The following DNAH10 variants were observed in gnomAD, a reference collection of about 807,000 sequenced individuals.
DNAH10 encodes the protein dynein axonemal heavy chain 10.
In DNAH10, 348 loss-of-function variants were observed where a neutral mutation model predicts 506.6. The observed-to-expected ratio is 0.69, with a 90% CI of 0.63 to 0.75. The LOEUF (loss-of-function observed/expected upper bound fraction) is 0.75, where lower values mean the gene tolerates loss of function less well. Ranked by LOEUF, DNAH10 falls within the 30% of genes least tolerant of loss-of-function variation. DNAH10 has a pLI of 0.00. For missense variants in DNAH10, 5,179 were observed against 5,787.1 expected (o/e 0.89, Z 3.41); for synonymous variants, 2,059 against 2,198.6 (o/e 0.94, Z 1.78).
At chr12:123,920,009 T>C (rs1954657547) in intron 65 of DNAH10, among the ~76,000 whole-genome samples, 1 of 152,252 alleles carries the variant, frequency 6.6e-6, no homozygotes, top group African/African-American at 2.4e-5. Context: ...AGGGTAATTC[T>C]ATGTCTAACT....
Position 123,930,406 on chromosome 12 carries a change from T to TG in DNAH10, c.12618dup (p.Tyr4207ValfsTer10). The TG allele has an allele frequency of 6.4e-7, 1 of 1,572,786 alleles. No individual in the cohort carries two copies. On this transcript the variant is annotated frameshift_variant, in exon 73 of 79. Transcript: ENST00000673944. LOFTEE classifies it high-confidence loss of function. ...TCTCAGGCCCTCTAATTTCAGGTCA[T>TG]GTATGGAGGACGGGCCATCGACAGC...
chr12:123,926,253 A>G lies in DNAH10; in HGVS notation c.11922-384A>G, dbSNP rs1286347855. On this transcript the variant is annotated intron_variant, in intron 68 of 78. Transcript: ENST00000673944. The surrounding 1 kb of genome is among the most constrained non-coding windows in gnomAD (Gnocchi z 4.1). ...ATTTCAATTTAAAAAAAAAAAAAAA[A>G]AAGAAAAAGAAAAAACCCACACACA... Among the ~76,000 whole-genome samples the G allele has an allele frequency of 6.6e-6, 1 of 151,372 alleles. No homozygotes were observed. The highest frequency in any genetic ancestry group is 1.9e-4 in the East Asian group (1 of 5,182).
In DNAH10 at chr12:123,913,424, CATGTGACCAGGTCTT is replaced by C; in HGVS notation, c.10352+114_10352+128del. ...TCACGTTGTGTTTTTATGTGAAAAC[CATGTGACCAGGTCTT>C]ATGTTCCTATTATCATGTTTATGGC... is the stretch of plus-strand genomic sequence containing the variant. On this transcript the variant is annotated intron_variant, in intron 60 of 78. Transcript: ENST00000673944. The surrounding 1 kb of genome is among the most constrained non-coding windows in gnomAD (Gnocchi z 5.1). The C allele has an allele frequency of 8.4e-7, 1 of 1,189,808 alleles. No individual in the cohort carries two copies. The highest frequency in any genetic ancestry group is 2.7e-5 in the Admixed American group (1 of 37,066). The allele number at this position is 1,189,808 out of a possible 1,614,324, so 73.7% of individuals were successfully genotyped here. A position where few individuals can be genotyped will look rare whatever the true frequency, so the allele number is the denominator to read the frequency against.
Position 123,873,608 on chromosome 12 carries a change from A to G in DNAH10, c.7836A>G (p.Gln2612=), listed in dbSNP as rs1342354156. ...CCCGCACCACGTCCATGGATATCCAAAGAAATTTAGAAGCAAATGTGGAAA... is the reference window on the plus strand; with the variant it reads ...CCCGCACCACGTCCATGGATATCCAGAGAAATTTAGAAGCAAATGTGGAAA... ...FSSRTTSMDI[Q]RNLEANVEKR... Residue 2612 remains glutamine, a synonymous_variant, in exon 46 of 79, where the codon CAA becomes CAG. Coordinates refer to ENST00000673944, the MANE Select transcript of DNAH10 (RefSeq NM_001372106.1). 6.2e-7 allele frequency: 1 copy of G among 1,613,820 alleles called. No homozygotes were observed. The highest frequency in any genetic ancestry group is 8.5e-7 in the Non-Finnish European group (1 of 1,179,882).
intron 21 of DNAH10, among the ~76,000 whole-genome samples, chr12:123,816,746 G>A (rs1959157005): frequency 6.6e-6 from 1 of 152,146 alleles, no homozygotes; most frequent in Non-Finnish European, 1.5e-5. Flanking sequence ...CTTGCAACTG[G>A]CATCTGAAGT....
At chr12:123,881,558 G>A (rs2137067081) in intron 50 of DNAH10, 67 bp from the exon 51 acceptor site, 1 of 1,423,736 alleles carries the variant, frequency 7.0e-7, no homozygotes, top group Non-Finnish European at 9.3e-7. Context: ...TTAGCCCTTT[G>A]TCAGATGGGT....
At chr12:123,765,562 C>G (rs1031567155) in intron 1 of DNAH10, among the ~76,000 whole-genome samples, 1 of 53,346 alleles carries the variant, frequency 1.9e-5, no homozygotes, top group African/African-American at 1.3e-4. Context: ...TCTATCTATA[C>G]TTTATCTATC....
chr12:123,934,332 G>A (rs774569441), intron 77 of DNAH10: 57 of 676,818 alleles, frequency 8.4e-5, no homozygotes, highest in Admixed American at 2.3e-4. Context: ...GTCTAAGTCC[G>A]TGGGCCTTGA....
rs1211550273 is a variant in DNAH10, at chr12:123,771,708, G to C, written c.396+10G>C. 1 of 1,601,504 alleles carries C rather than the reference G, an allele frequency of 6.2e-7. No homozygotes were observed. Among genetic ancestry groups the C allele is most frequent in the African/African-American group, 1.3e-5 (1 of 74,682 alleles). ...AAAACTCCCTTCCAAAGTAAGCATG[G>C]CTCTTTGTCCTTGTTGGTGGGGTAA... On this transcript the variant is annotated intron_variant, in intron 3 of 78. Transcript: ENST00000673944.
chr12:123,862,532 G>C (rs531560484), intron 39 of DNAH10, among the ~76,000 whole-genome samples: 2 of 152,170 alleles, frequency 1.3e-5, no homozygotes, highest in East Asian at 3.9e-4. Flanking sequence ...TGGGACTGCA[G>C]GTGCATGTCA....
chr12:123,932,342 T>A (rs1405699208), intron 76 of DNAH10, among the ~76,000 whole-genome samples: 1 of 152,246 alleles, frequency 6.6e-6, no homozygotes, highest in African/African-American at 2.4e-5. Context: ...TCTAAGTGTA[T>A]ATCTTGGCAC....
At chr12:123,879,416 A>G (rs1018997203) in intron 49 of DNAH10, 59 bp downstream of exon 49, 2 of 1,538,822 alleles carry the variant, frequency 1.3e-6, no homozygotes, top group Non-Finnish European at 1.8e-6. Context: ...AACAAGCGCC[A>G]AAAGTGTTTT....
At chr12:123,791,154 C>T (rs535607320) in intron 11 of DNAH10, among the ~76,000 whole-genome samples, 17 of 151,892 alleles carry the variant, frequency 1.1e-4, no homozygotes, top group African/African-American at 3.4e-4. Flanking sequence ...AAAACAAAAA[C>T]GTGAAAAAAA....
In DNAH10 at chr12:123,853,979, C is replaced by T. The variant is rs1191942361; in HGVS notation, c.6438+627C>T. 8.6e-5 allele frequency among the ~76,000 whole-genome samples: 13 copies of T among 151,432 alleles called. No homozygotes were observed. The highest frequency in any genetic ancestry group is 1.3e-4 in the Admixed American group (2 of 15,238). ...ATTTGGGTAGTAAAAAAAAAACAGCCGTGAGTGCAGTGATAGAAGCCTGTT... is the reference window on the plus strand; with the variant it reads ...ATTTGGGTAGTAAAAAAAAAACAGCTGTGAGTGCAGTGATAGAAGCCTGTT... On this transcript the variant is annotated intron_variant, in intron 36 of 78. Coordinates refer to ENST00000673944, the MANE Select transcript of DNAH10 (RefSeq NM_001372106.1). This position sits in a 1 kb window ranked among gnomAD's most constrained non-coding sequence, Gnocchi z 4.7.
intron 54 of DNAH10, among the ~76,000 whole-genome samples, chr12:123,895,280 G>T (rs2137202680): frequency 6.6e-6 from 1 of 152,356 alleles, no homozygotes; most frequent in East Asian, 1.9e-4. Context: ...AAGAAAGGAA[G>T]TCTGTCTTCA....
chr12:123,766,395 A>C (rs1957051689), intron 1 of DNAH10, among the ~76,000 whole-genome samples: 1 of 152,168 alleles, frequency 6.6e-6, no homozygotes, highest in South Asian at 2.1e-4. Context: ...GGATATATAG[A>C]GTTCCTAAAA....
At chr12:123,814,676 A>G (rs541526482) in intron 21 of DNAH10, among the ~76,000 whole-genome samples, 20 of 139,448 alleles carry the variant, frequency 1.4e-4, no homozygotes, top group South Asian at 4.4e-4. Context: ...GTGCAGTGGC[A>G]TGATCTCGGC....
intron 52 of DNAH10, among the ~76,000 whole-genome samples, chr12:123,888,229 G>A (rs1005571482): frequency 2.0e-5 from 3 of 151,908 alleles, no homozygotes; most frequent in Non-Finnish European, 4.4e-5. Flanking sequence ...AAAAACAAAA[G>A]CAACTGAAAA....
At chr12:123,933,557 C>G (rs1308937285) in intron 77 of DNAH10, 46 bp downstream of exon 77, 7 of 1,534,284 alleles carry the variant, frequency 4.6e-6, no homozygotes, top group Middle Eastern at 1.7e-4. Context: ...CTTAGGATTT[C>G]TCTCCCTGAA....
Sources: gnomAD v4.1 joint callset for allele counts (sites outside exome capture counted in the v4.1 genomes callset) on GRCh38, gnomAD v4.1.1 for gene constraint, Gnocchi (gnomAD v3.1) non-coding constraint, MANE v1.5 for transcripts, NCBI Gene and HGNC (gene_info 2026-07-23, HGNC 2026-07-21) for gene names.